The following KIF26B variants were observed in gnomAD, a reference collection of about 807,000 sequenced individuals.
The protein encoded by KIF26B is kinesin-like protein KIF26B.
Under a neutral mutation model 151.2 loss-of-function variants are expected in KIF26B, and 63 were observed. That is an observed-to-expected ratio of 0.42 (90% CI 0.34 to 0.51). The LOEUF is 0.51. KIF26B is among the 20% of genes least tolerant of loss of function. KIF26B has a pLI of 0.07. For missense variants in KIF26B, 2,813 were observed against 2,913.6 expected, an observed-to-expected ratio of 0.97 and a Z score of 0.79; for synonymous variants, 1,357 against 1,262.1, an observed-to-expected ratio of 1.08 and a Z score of -1.59.
intron 4 of KIF26B, among the ~76,000 whole-genome samples, chr1:245,490,123 C>G (rs1311957237): frequency 6.6e-6 from 1 of 152,162 alleles, no homozygotes; most frequent in East Asian, 1.9e-4. Flanking sequence ...CTTGCCTGGC[C>G]TCTCCATTGA....
intron 4 of KIF26B, among the ~76,000 whole-genome samples, chr1:245,520,779 G>C (rs1661083706): frequency 6.6e-6 from 1 of 152,158 alleles, no homozygotes; most frequent in African/African-American, 2.4e-5. Context: ...TTAATGATCA[G>C]CCCTGACCAC....
chr1:245,627,724 A>G (rs956492145), intron 9 of KIF26B, among the ~76,000 whole-genome samples: 12 of 152,164 alleles, frequency 7.9e-5, no homozygotes, highest in African/African-American at 2.9e-4. Flanking sequence ...TTAAGGAAAT[A>G]GACCACTTCA....
At chr1:245,694,572 G>A (rs1478719029) in intron 12 of KIF26B, among the ~76,000 whole-genome samples, 1 of 152,110 alleles carries the variant, frequency 6.6e-6, no homozygotes, top group East Asian at 1.9e-4. Flanking sequence ...CTGGACTCAG[G>A]GATGTTAAGA....
At chr1:245,472,072 G>A (rs1346130799) in intron 4 of KIF26B, among the ~76,000 whole-genome samples, 10 of 152,288 alleles carry the variant, frequency 6.6e-5, no homozygotes, top group Non-Finnish European at 1.0e-4. Flanking sequence ...GATTACAGGC[G>A]TGAGCCACTG....
intron 2 of KIF26B, among the ~76,000 whole-genome samples, chr1:245,215,543 G>A (rs964414306): frequency 1.3e-5 from 2 of 152,128 alleles, no homozygotes; most frequent in African/African-American, 4.8e-5. Flanking sequence ...CTCCTCTGGA[G>A]GATTCATTTC....
intron 2 of KIF26B, among the ~76,000 whole-genome samples, chr1:245,279,016 G>T (rs893808823): frequency 3.9e-5 from 6 of 152,116 alleles, no homozygotes; most frequent in Non-Finnish European, 8.8e-5. Flanking sequence ...TTCACACAAC[G>T]TGTCTGATAG....
chr1:245,242,759 C>A (rs980418920), intron 2 of KIF26B, among the ~76,000 whole-genome samples: 1 of 152,132 alleles, frequency 6.6e-6, no homozygotes, highest in African/African-American at 2.4e-5. Context: ...TCAAGTGATT[C>A]TCCTGCCTCA....
chr1:245,592,851 G>A (rs544185605), intron 5 of KIF26B, among the ~76,000 whole-genome samples: 1 of 152,252 alleles, frequency 6.6e-6, no homozygotes, highest in African/African-American at 2.4e-5. Context: ...GTCCTTTCAG[G>A]CATGGGTCTG....
chr1:245,350,405 T>C (rs1398933908), intron 2 of KIF26B, among the ~76,000 whole-genome samples: 1 of 152,150 alleles, frequency 6.6e-6, no homozygotes, highest in Non-Finnish European at 1.5e-5. Flanking sequence ...CTTCGACCTT[T>C]TCTGAAGTCT....
At chr1:245,267,677 CACACACAA>C (rs1670772903) in intron 2 of KIF26B, among the ~76,000 whole-genome samples, 2 of 113,522 alleles carry the variant, frequency 1.8e-5, no homozygotes, top group African/African-American at 7.9e-5. Context: ...CACACACACA[CACACACAA>C]AAGGAGAAAA....
Position 245,606,470 on chromosome 1 carries a change from A to G in KIF26B, c.1558-1181A>G, listed in dbSNP as rs1208520549. Among the ~76,000 whole-genome samples, 3 of 152,216 alleles carry G rather than the reference A, an allele frequency of 2.0e-5. No homozygotes were observed. Among genetic ancestry groups the G allele is most frequent in the Admixed American group, 2.0e-4 (3 of 15,286 alleles). ...GCAACAGGGCACAGCGAATAATGCT[A>G]TCTTTCTGCTTCTGTGACAAGTCTC... On this transcript the variant is annotated intron_variant, in intron 6 of 14. Coordinates refer to ENST00000407071, the MANE Select transcript of KIF26B (RefSeq NM_018012.4). The surrounding 1 kb of genome is among the most constrained non-coding windows in gnomAD (Gnocchi z 4.6).
chr1:245,613,131 C>T (rs957929125), intron 9 of KIF26B, among the ~76,000 whole-genome samples: 4 of 152,132 alleles, frequency 2.6e-5, no homozygotes, highest in African/African-American at 9.7e-5. Context: ...GCCGGGCTTT[C>T]AATACACAGG....
rs1005648485 is a variant in KIF26B at position 245,256,507 on chromosome 1, C to T, written c.465+99824C>T. On this transcript the variant is annotated intron_variant, in intron 2 of 14. Coordinates refer to ENST00000407071, the MANE Select transcript of KIF26B (RefSeq NM_018012.4). ...CCTGTGTCCTTGCCCCTGGCCAGTG[C>T]TGCTCAGCCTTCCCCACTTTTAGGA... Among the ~76,000 whole-genome samples, 9 of 152,344 alleles carry T rather than the reference C, an allele frequency of 5.9e-5. No homozygotes were observed. In the East Asian group the frequency reaches 1.5e-3, roughly 26 times the overall value.
chr1:245,243,657 T>C (rs1558359112), intron 2 of KIF26B, among the ~76,000 whole-genome samples: 2 of 151,990 alleles, frequency 1.3e-5, no homozygotes, highest in African/African-American at 2.4e-5. Flanking sequence ...GAGTGGTTTA[T>C]CTAAGAAATA....
In KIF26B at chr1:245,607,752, A is replaced by G. The variant is rs2043472357; in HGVS notation, c.1651+8A>G. 2 of 1,607,428 alleles carry G rather than the reference A, an allele frequency of 1.2e-6. No individual in the cohort carries two copies. Among genetic ancestry groups the G allele is most frequent in the East Asian group, 2.2e-5 (1 of 44,698 alleles). On this transcript the variant is annotated splice_region_variant and intron_variant, in intron 7 of 14. Coordinates refer to ENST00000407071, the MANE Select transcript of KIF26B (RefSeq NM_018012.4). ...TCGGCCACGCCAAACTGGGTTCGTG[A>G]GAGTTTCACTTTCTCATGCGGCTCG...
At chr1:245,303,995 T>C (rs1249246623) in intron 2 of KIF26B, among the ~76,000 whole-genome samples, 1 of 152,232 alleles carries the variant, frequency 6.6e-6, no homozygotes, top group Non-Finnish European at 1.5e-5. Context: ...GTTTTCCAAC[T>C]CCACCATCTT....
intron 2 of KIF26B, among the ~76,000 whole-genome samples, chr1:245,276,671 G>T (rs751079801): frequency 6.6e-6 from 1 of 152,140 alleles, no homozygotes; most frequent in Non-Finnish European, 1.5e-5. Context: ...CCTGGGGGAG[G>T]GACTATGGTG....
intron 3 of KIF26B, among the ~76,000 whole-genome samples, chr1:245,373,562 A>G (rs1275733655): frequency 6.6e-6 from 1 of 152,216 alleles, no homozygotes; most frequent in Non-Finnish European, 1.5e-5. Context: ...TGATGCAATG[A>G]AGGTCGTCCA....
chr1:245,413,110 G>T (rs1202886223), intron 3 of KIF26B, among the ~76,000 whole-genome samples: 1 of 152,176 alleles, frequency 6.6e-6, no homozygotes, highest in Non-Finnish European at 1.5e-5. Flanking sequence ...AAATCCCGTG[G>T]TGAAAATTTA....
Sources: allele counts gnomAD v4.1 joint callset (sites outside exome capture counted in the v4.1 genomes callset), GRCh38; gene constraint gnomAD v4.1.1; non-coding constraint Gnocchi (gnomAD v3.1); transcripts MANE v1.5; gene names NCBI Gene and HGNC (gene_info 2026-07-23, HGNC 2026-07-21).